CA10: variants seen among roughly 807,000 people sequenced by gnomAD.
CA10 encodes carbonic anhydrase-related protein 10.
Under a neutral mutation model 44.2 loss-of-function variants are expected in CA10, and 14 were observed. The ratio of observed to expected loss-of-function variants is 0.32; its 90% CI spans 0.21 to 0.50. The LOEUF (loss-of-function observed/expected upper bound fraction) is 0.50. Among genes scored for constraint, CA10 ranks in the 20% least tolerant of loss-of-function variants. CA10 has a pLI of 0.99. For synonymous variants in CA10, 159 were observed against 141.6 expected (o/e 1.12, Z -0.87); for missense variants, 350 against 409.7 (o/e 0.85, Z 1.26).
At chr17:51,677,891 C>CAA (rs1373203640) in intron 4 of CA10, among the ~76,000 whole-genome samples, 1 of 143,260 alleles carries the variant, frequency 7.0e-6, no homozygotes, top group Non-Finnish European at 1.6e-5. Flanking sequence ...ATACACCCCC[C>CAA]CCCCCACCGG....
chr17:51,929,552 C>A (rs906729560), intron 3 of CA10, among the ~76,000 whole-genome samples: 2 of 152,148 alleles, frequency 1.3e-5, no homozygotes, highest in Non-Finnish European at 2.9e-5. Context: ...GCTTTTCCAC[C>A]CCCTGCTTTT....
At chr17:51,734,184 G>A (rs915628653) in intron 4 of CA10, among the ~76,000 whole-genome samples, 4 of 146,426 alleles carry the variant, frequency 2.7e-5, no homozygotes, top group Non-Finnish European at 4.5e-5. Flanking sequence ...TGGTTGGGGG[G>A]GGGGGGTTCC....
chr17:51,724,894 A>G (rs1916463829), intron 4 of CA10, among the ~76,000 whole-genome samples: 1 of 152,210 alleles, frequency 6.6e-6, no homozygotes, highest in Non-Finnish European at 1.5e-5. Flanking sequence ...ACCTGAAGAT[A>G]AAGGGCATAG....
At chr17:52,012,008 A>G (rs1985813290) in intron 2 of CA10, among the ~76,000 whole-genome samples, 1 of 152,018 alleles carries the variant, frequency 6.6e-6, no homozygotes, top group Non-Finnish European at 1.5e-5. Flanking sequence ...TGGGATGAAT[A>G]AGGGAGGGAT....
chr17:51,698,722 T>G (rs1304298352), intron 4 of CA10, among the ~76,000 whole-genome samples: 2 of 152,246 alleles, frequency 1.3e-5, no homozygotes, highest in African/African-American at 4.8e-5. Context: ...CATTTGCCTC[T>G]CCTTCCAACC....
At chr17:51,931,901 G>C (rs1982678991) in intron 2 of CA10, among the ~76,000 whole-genome samples, 1 of 152,158 alleles carries the variant, frequency 6.6e-6, no homozygotes, top group South Asian at 2.1e-4. Flanking sequence ...TTCAGGGCAA[G>C]GGTGGGGAGC....
rs182956691 is a variant in CA10, at chr17:51,760,052, C to T, written c.280-12234G>A. On this transcript the variant is annotated intron_variant, in intron 3 of 8. Transcript: ENST00000451037. ...ATTCAATCCCTGATTCACAGGGCTT[C>T]AGGCAAATAACTCCCGATCTCCAGT... Among the ~76,000 whole-genome samples the T allele has an allele frequency of 2.0e-5, 3 of 152,272 alleles. 1 individual carries two copies. Among genetic ancestry groups the T allele is most frequent in the Admixed American group, 2.0e-4 (3 of 15,296 alleles).
At chr17:52,149,488 G>A (rs1989658514) in intron 1 of CA10, among the ~76,000 whole-genome samples, 1 of 152,148 alleles carries the variant, frequency 6.6e-6, no homozygotes, top group African/African-American at 2.4e-5. Flanking sequence ...TTGTGGCTTT[G>A]TTATAAAAGT....
At position 51,889,781 on chromosome 17, in the gene CA10, C is replaced by T. The variant is rs141971567; in HGVS notation, c.279+41209G>A. 4.2e-4 allele frequency among the ~76,000 whole-genome samples: 64 copies of T among 152,242 alleles called. No individual in the cohort carries two copies. In the East Asian group the frequency reaches 7.5e-3, roughly 18 times the overall value. ...TACAAATTTCTAATGGAAGTTTCACCTGCATGTATGAAAACAAGGTTTCCA... is the reference window on the plus strand; with the variant it reads ...TACAAATTTCTAATGGAAGTTTCACTTGCATGTATGAAAACAAGGTTTCCA... On this transcript the variant is annotated intron_variant, in intron 3 of 8. Coordinates refer to ENST00000451037, the MANE Select transcript of CA10 (RefSeq NM_020178.5).
Position 51,912,376 on chromosome 17 carries a change from C to T in CA10, c.279+18614G>A, listed in dbSNP as rs142738028. ...AGGCTCAAGGAGGTAAAGTAACTTG[C>T]TTAGGGACCCCTGGAGTCCAAGTGC... On this transcript the variant is annotated intron_variant, in intron 3 of 8. Transcript: ENST00000451037. Among the ~76,000 whole-genome samples, 41 of 152,256 alleles carry T rather than the reference C, an allele frequency of 2.7e-4. 1 individual carries two copies. The East Asian group carries it at 7.4e-3, about 27-fold the overall frequency.
chr17:51,717,645 A>ATG (rs375716695), intron 4 of CA10, among the ~76,000 whole-genome samples: 37 of 59,372 alleles, frequency 6.2e-4, no homozygotes, highest in East Asian at 2.7e-3. Flanking sequence ...GCATGTATAT[A>ATG]TACATATATA....
At position 52,157,708 on chromosome 17, in the gene CA10, CTT is replaced by C; in HGVS notation, c.61+16_61+17del. On this transcript the variant is annotated intron_variant, in intron 1 of 8. Coordinates refer to ENST00000451037, the MANE Select transcript of CA10 (RefSeq NM_020178.5). ...CAACATAATCCAAATCAGCCAGTGA[CTT>C]CGGCGCGTCCCGTACCTGATATGCA... The C allele has an allele frequency of 6.2e-7, 1 of 1,612,628 alleles. No homozygotes were observed. Among genetic ancestry groups the C allele is most frequent in the Non-Finnish European group, 8.5e-7 (1 of 1,178,600 alleles).
intron 4 of CA10, among the ~76,000 whole-genome samples, chr17:51,710,591 G>A (rs539445900): frequency 1.8e-4 from 28 of 152,208 alleles, no homozygotes; most frequent in Middle Eastern, 3.4e-3. Flanking sequence ...GGGAGTTTGG[G>A]GGTAATTTTT....
chr17:51,732,855 T>TA (rs201107552), intron 4 of CA10, among the ~76,000 whole-genome samples: 1,752 of 151,634 alleles, frequency 0.012, 28 homozygotes, highest in African/African-American at 0.041. Context: ...AAATAAAAAA[T>TA]AAAAAAAAGA....
chr17:52,056,519 C>T (rs1428036112), intron 2 of CA10, among the ~76,000 whole-genome samples: 1 of 152,090 alleles, frequency 6.6e-6, no homozygotes, highest in African/African-American at 2.4e-5. Context: ...TGGATACTTG[C>T]TGCATAAAAG....
intron 1 of CA10, among the ~76,000 whole-genome samples, chr17:52,108,223 T>TATATATATATAA (rs1306868432): frequency 2.8e-5 from 4 of 142,596 alleles, no homozygotes; most frequent in Non-Finnish European, 6.1e-5. Context: ...TATATATATA[T>TATATATATATAA]ATAATATGTA....
At chr17:52,078,938 T>C (rs1446745794) in intron 1 of CA10, among the ~76,000 whole-genome samples, 3 of 152,202 alleles carry the variant, frequency 2.0e-5, no homozygotes, top group Non-Finnish European at 2.9e-5. Flanking sequence ...TCCATATCAT[T>C]CATTTCCACC....
At chr17:51,977,310 C>A (rs1984497127) in intron 2 of CA10, among the ~76,000 whole-genome samples, 2 of 151,558 alleles carry the variant, frequency 1.3e-5, no homozygotes, top group South Asian at 2.1e-4. Context: ...TAAACAAAAC[C>A]CAATAACACA....
intron 5 of CA10, 47 bp from the exon 6 acceptor site, chr17:51,649,301 G>C: frequency 7.7e-7 from 1 of 1,299,772 alleles, no homozygotes; most frequent in South Asian, 1.2e-5. Context: ...ACTCTTGCAG[G>C]ACAAACATCT....
Sources: allele counts gnomAD v4.1 joint callset (sites outside exome capture counted in the v4.1 genomes callset), GRCh38; gene constraint gnomAD v4.1.1; transcripts MANE v1.5; gene names NCBI Gene and HGNC (gene_info 2026-07-23, HGNC 2026-07-21).